RIC1: variants seen among roughly 807,000 people sequenced by gnomAD.
RIC1 encodes RIC1 partner of RAB6A GEF complex.
A neutral mutation model predicts 169.0 loss-of-function variants in RIC1; 88 were observed. That is an observed-to-expected ratio of 0.52 (90% CI 0.44 to 0.62). RIC1 has a LOEUF of 0.62. Ranked by LOEUF, RIC1 falls within the 20% of genes least tolerant of loss-of-function variation. RIC1 has a pLI of 0.00. For missense variants in RIC1, 1,877 were observed against 1,725.5 expected (o/e 1.09, Z -1.56); for synonymous variants, 790 against 601.5 (o/e 1.31, Z -4.59).
intron 2 of RIC1, among the ~76,000 whole-genome samples, chr9:5,686,866 G>T (rs1377472016): frequency 6.6e-6 from 1 of 152,146 alleles, no homozygotes; most frequent in Non-Finnish European, 1.5e-5. Context: ...CATAAAATGA[G>T]ATAGGAAGTG....
At chr9:5,659,654 T>C (rs1003433459) in intron 2 of RIC1, among the ~76,000 whole-genome samples, 2 of 152,224 alleles carry the variant, frequency 1.3e-5, no homozygotes, top group African/African-American at 4.8e-5. Flanking sequence ...ACATGCAATG[T>C]CTTATCAATT....
intron 7 of RIC1, among the ~76,000 whole-genome samples, chr9:5,737,419 C>G (rs1370128723): frequency 1.3e-5 from 2 of 152,126 alleles, no homozygotes; most frequent in Admixed American, 1.3e-4. Flanking sequence ...CTGATGAAGC[C>G]TCCTGTTTAC....
intron 2 of RIC1, among the ~76,000 whole-genome samples, chr9:5,681,592 T>A (rs891769348): frequency 3.9e-5 from 6 of 152,208 alleles, no homozygotes; most frequent in Non-Finnish European, 8.8e-5. Flanking sequence ...ATAGGTGTGG[T>A]GTGTTGCTGA....
chr9:5,729,331 G>T (rs1042756707), intron 6 of RIC1, among the ~76,000 whole-genome samples: 1 of 152,070 alleles, frequency 6.6e-6, no homozygotes, highest in Non-Finnish European at 1.5e-5. Flanking sequence ...GAAGTGCTCT[G>T]GGAGGACCTG....
Position 5,772,761 on chromosome 9 carries a change from G to C in RIC1, c.3794+20G>C. On this transcript the variant is annotated intron_variant, in intron 24 of 25. Transcript: ENST00000414202. ...GCTTCGGTGAGTTTCTTGGCTATTT[G>C]AAATCACAGAATGCCTACTCAGAGT... The C allele has an allele frequency of 1.3e-6, 2 of 1,593,786 alleles. No homozygotes were observed. Among genetic ancestry groups the C allele is most frequent in the Non-Finnish European group, 1.7e-6 (2 of 1,170,696 alleles).
intron 1 of RIC1, among the ~76,000 whole-genome samples, chr9:5,648,842 T>C (rs1227601769): frequency 6.6e-6 from 1 of 152,218 alleles, no homozygotes; most frequent in Non-Finnish European, 1.5e-5. Flanking sequence ...GCCCACTTTT[T>C]AATGGGAATG....
intron 1 of RIC1, among the ~76,000 whole-genome samples, chr9:5,644,524 C>A (rs770637587): frequency 6.6e-6 from 1 of 152,146 alleles, no homozygotes; most frequent in Non-Finnish European, 1.5e-5. Context: ...AACTTCTTAT[C>A]CTTTATCCCC....
intron 15 of RIC1, 81 bp downstream of exon 15, chr9:5,755,011 C>A: frequency 1.2e-6 from 1 of 827,070 alleles, no homozygotes; most frequent in South Asian, 2.6e-5. Context: ...AGAAAATAGT[C>A]GATTGAAAAC....
chr9:5,679,060 T>C (rs1159778761), intron 2 of RIC1, among the ~76,000 whole-genome samples: 3 of 152,158 alleles, frequency 2.0e-5, no homozygotes, highest in Non-Finnish European at 4.4e-5. Flanking sequence ...GCTTTCTACA[T>C]ATGGCTAGCC....
At position 5,629,122 on chromosome 9, in the gene RIC1, A is replaced by G. The variant is rs1817589872; in HGVS notation, c.-188A>G. The G allele has an allele frequency of 2.6e-6, 1 of 390,004 alleles. No individual in the cohort carries two copies. The highest frequency in any genetic ancestry group is 4.2e-6 in the Non-Finnish European group (1 of 236,182). 24.2% of individuals were successfully genotyped at this position (390,004 alleles called of 1,614,324 possible). A position where few individuals can be genotyped will look rare whatever the true frequency, so the allele number is the denominator to read the frequency against. On this transcript the variant is annotated 5_prime_UTR_variant, in exon 1 of 26. Coordinates refer to ENST00000414202, the MANE Select transcript of RIC1 (RefSeq NM_020829.4). Reference sequence around the variant, plus strand: ...TCCCTCCCCCACACTCGGCCCCGTCAGCTTGGGGGTGCCTTCGTCGCGCAG... The same window carrying G: ...TCCCTCCCCCACACTCGGCCCCGTCGGCTTGGGGGTGCCTTCGTCGCGCAG...
intron 25 of RIC1, 21 bp downstream of exon 25, chr9:5,773,101 G>C (rs778312320): frequency 6.6e-7 from 1 of 1,524,202 alleles, no homozygotes; most frequent in Non-Finnish European, 8.8e-7. Flanking sequence ...CTTTCCTTAG[G>C]CTTGGTGTCC....
chr9:5,677,374 T>C (rs533145041), intron 2 of RIC1, among the ~76,000 whole-genome samples: 5 of 152,322 alleles, frequency 3.3e-5, no homozygotes, highest in Admixed American at 3.3e-4. Context: ...TTAGATGGGA[T>C]CCTTGATTTC....
At chr9:5,643,127 C>G (rs962276841) in intron 1 of RIC1, among the ~76,000 whole-genome samples, 1 of 151,896 alleles carries the variant, frequency 6.6e-6, no homozygotes, top group African/African-American at 2.4e-5. Context: ...TAGGGAGACC[C>G]CCATCTCTAT....
At chr9:5,738,126 T>G (rs79062112) in intron 7 of RIC1, among the ~76,000 whole-genome samples, 5 of 152,300 alleles carry the variant, frequency 3.3e-5, no homozygotes, top group African/African-American at 9.6e-5. Context: ...CTATACCATA[T>G]GTACTATAGC....
chr9:5,758,272 T>C (rs1586701385), intron 17 of RIC1, among the ~76,000 whole-genome samples: 2 of 152,360 alleles, frequency 1.3e-5, no homozygotes, highest in Middle Eastern at 6.8e-3. Flanking sequence ...CATAACTTTC[T>C]ATTTCAGTGG....
chr9:5,734,712 T>G (rs1291906874), intron 7 of RIC1, among the ~76,000 whole-genome samples: 1 of 151,784 alleles, frequency 6.6e-6, no homozygotes, highest in Non-Finnish European at 1.5e-5. Context: ...GTCACAACTC[T>G]TATTCCCTCC....
Position 5,774,300 on chromosome 9 carries a change from A to C in RIC1, c.*54A>C. The C allele has an allele frequency of 2.9e-5, 42 of 1,460,948 alleles. No individual in the cohort carries two copies. Among genetic ancestry groups the C allele is most frequent in the South Asian group, 9.6e-5 (7 of 72,604 alleles). The allele number at this position is 1,460,948 out of a possible 1,614,324, so 90.5% of individuals were successfully genotyped here. A position where few individuals can be genotyped will look rare whatever the true frequency, so the allele number is the denominator to read the frequency against. On this transcript the variant is annotated 3_prime_UTR_variant, in exon 26 of 26. Coordinates refer to ENST00000414202, the MANE Select transcript of RIC1 (RefSeq NM_020829.4). ...ATTAATTAGCAGCAGCGTGCAGCTC[A>C]GTACGTTGTAACATAGTTGGATGAT...
At chr9:5,676,927 T>G (rs977773305) in intron 2 of RIC1, among the ~76,000 whole-genome samples, 2 of 152,236 alleles carry the variant, frequency 1.3e-5, no homozygotes, top group Non-Finnish European at 2.9e-5. Context: ...CATTCATCTG[T>G]TGATGGACAG....
chr9:5,630,125 T>TAACA (rs1375483856), intron 1 of RIC1, among the ~76,000 whole-genome samples: 1 of 152,210 alleles, frequency 6.6e-6, no homozygotes, highest in Non-Finnish European at 1.5e-5. Flanking sequence ...CTCCCAGTTA[T>TAACA]AACACCTGGA....
Sources: gnomAD v4.1 joint callset for allele counts (sites outside exome capture counted in the v4.1 genomes callset) on GRCh38, gnomAD v4.1.1 for gene constraint, MANE v1.5 for transcripts, NCBI Gene and HGNC (gene_info 2026-07-23, HGNC 2026-07-21) for gene names.